BEAN1: variants seen among roughly 807,000 people sequenced by gnomAD.
BEAN1 encodes the protein brain expressed associated with NEDD4 1, also known as protein BEAN1.
Under a neutral mutation model 17.7 loss-of-function variants are expected in BEAN1, and 17 were observed. The observed-to-expected ratio is 0.96, with a 90% CI of 0.66 to 1.44. The LOEUF is 1.44. Ranked by LOEUF, BEAN1 falls within the 40% of genes most tolerant of loss-of-function variation. BEAN1 has a pLI of 0.00. For synonymous variants in BEAN1, 142 were observed against 151.8 expected, an observed-to-expected ratio of 0.94 and a Z score of 0.47; for missense variants, 359 against 374.1, an observed-to-expected ratio of 0.96 and a Z score of 0.33.
intron 2 of BEAN1, among the ~76,000 whole-genome samples, chr16:66,453,742 T>G (rs1229051928): frequency 4.6e-5 from 7 of 151,892 alleles, no homozygotes; most frequent in Admixed American, 2.0e-4. Flanking sequence ...TTTTTTTTTT[T>G]TGGGTCAGGG....
chr16:66,489,185 A>C (rs1964130980), intron 4 of BEAN1, among the ~76,000 whole-genome samples: 1 of 152,098 alleles, frequency 6.6e-6, no homozygotes, highest in African/African-American at 2.4e-5. Flanking sequence ...AAAAAAACAA[A>C]AAAAAAAGTA....
intron 2 of BEAN1, among the ~76,000 whole-genome samples, chr16:66,463,399 T>A (rs1299686494): frequency 6.6e-6 from 1 of 152,242 alleles, no homozygotes; most frequent in Non-Finnish European, 1.5e-5. Context: ...TGGTTAATGA[T>A]GTTGGGCAAC....
chr16:66,480,988 A>G lies in BEAN1; in HGVS notation c.*63A>G. Reference sequence around the variant, plus strand: ...CTGAACCACATTCTTTAGGCACACAAAGGCGTGCACACACACACAGAGATG... The same window carrying G: ...CTGAACCACATTCTTTAGGCACACAGAGGCGTGCACACACACACAGAGATG... On this transcript the variant is annotated 3_prime_UTR_variant, in exon 5 of 5. Coordinates refer to ENST00000536005, the MANE Select transcript of BEAN1 (RefSeq NM_001178020.3). 1 of 1,305,010 alleles carries G rather than the reference A, an allele frequency of 7.7e-7. No homozygotes were observed. The highest frequency in any genetic ancestry group is 1.0e-6 in the Non-Finnish European group (1 of 979,008). 80.8% of individuals were successfully genotyped at this position (1,305,010 alleles called of 1,614,324 possible). A position where few individuals can be genotyped will look rare whatever the true frequency, so the allele number is the denominator to read the frequency against.
exon 5 of BEAN1, chr16:66,493,268 G>A (rs1425177430): frequency 5.7e-6 from 4 of 702,718 alleles, no homozygotes; most frequent in South Asian, 1.5e-5. Flanking sequence ...CCTCGAGGGG[G>A]TTCAGCCAGG....
At chr16:66,462,096 G>T (rs1031305659) in intron 2 of BEAN1, among the ~76,000 whole-genome samples, 1 of 152,180 alleles carries the variant, frequency 6.6e-6, no homozygotes, top group Non-Finnish European at 1.5e-5. Context: ...TCTGCCATTG[G>T]CATAGACTTA....
intron 2 of BEAN1, among the ~76,000 whole-genome samples, chr16:66,452,314 C>T (rs1962701285): frequency 6.6e-6 from 1 of 152,236 alleles, no homozygotes; most frequent in Non-Finnish European, 1.5e-5. Context: ...TAATACACTG[C>T]TACCCTGATG....
At chr16:66,494,859 T>C (rs1332620391), downstream of BEAN1, among the ~76,000 whole-genome samples, 1 of 152,132 alleles carries the variant, frequency 6.6e-6, no homozygotes, top group Non-Finnish European at 1.5e-5. Flanking sequence ...CACATGCACA[T>C]ACACATGCCC....
chr16:66,448,903 G>T (rs1472989616), intron 2 of BEAN1, among the ~76,000 whole-genome samples: 3 of 152,242 alleles, frequency 2.0e-5, no homozygotes. Context: ...CCAACACTTT[G>T]GGAGGCTAAG....
At chr16:66,449,490 C>T (rs1962586510) in intron 2 of BEAN1, among the ~76,000 whole-genome samples, 1 of 150,742 alleles carries the variant, frequency 6.6e-6, no homozygotes, top group Admixed American at 6.6e-5. Flanking sequence ...GCCTGTAATC[C>T]CAGCTACTCA....
intron 3 of BEAN1, among the ~76,000 whole-genome samples, chr16:66,470,613 G>A (rs1273081441): frequency 1.3e-5 from 2 of 152,198 alleles, no homozygotes; most frequent in African/African-American, 4.8e-5. Context: ...CCTGGTGAGA[G>A]TCAGCAGAGT....
intron 2 of BEAN1, among the ~76,000 whole-genome samples, chr16:66,458,711 C>T (rs953271787): frequency 1.3e-5 from 2 of 152,224 alleles, no homozygotes; most frequent in Non-Finnish European, 2.9e-5. Flanking sequence ...ATAACTTTAG[C>T]TCACCAAGAC....
intron 3 of BEAN1, among the ~76,000 whole-genome samples, chr16:66,472,978 C>A (rs1963541942): frequency 6.6e-6 from 1 of 152,106 alleles, no homozygotes; most frequent in African/African-American, 2.4e-5. Context: ...ATGATCTCAC[C>A]ACTGCATGCC....
chr16:66,473,914 C>T lies in BEAN1; in HGVS notation c.290-3646C>T, dbSNP rs1347489469. Among the ~76,000 whole-genome samples, 1 of 151,882 alleles carries T rather than the reference C, an allele frequency of 6.6e-6. No individual in the cohort carries two copies. Among genetic ancestry groups the T allele is most frequent in the Non-Finnish European group, 1.5e-5 (1 of 67,974 alleles). Reference sequence around the variant, plus strand: ...TTTATAAGTCAAGGTCCCTCAGATCCCACACCTTGGTCCTGGTCCTCTCTC... The same window carrying T: ...TTTATAAGTCAAGGTCCCTCAGATCTCACACCTTGGTCCTGGTCCTCTCTC... On this transcript the variant is annotated intron_variant, in intron 3 of 4. Coordinates refer to ENST00000536005, the MANE Select transcript of BEAN1 (RefSeq NM_001178020.3). This position sits in a 1 kb window ranked among gnomAD's most constrained non-coding sequence, Gnocchi z 4.5.
At chr16:66,459,743 G>T (rs1441788027) in intron 2 of BEAN1, among the ~76,000 whole-genome samples, 1 of 152,148 alleles carries the variant, frequency 6.6e-6, no homozygotes, top group Non-Finnish European at 1.5e-5. Context: ...TTCCTCAAAT[G>T]CATCAAGTCC....
chr16:66,427,839 G>A lies in BEAN1; in HGVS notation c.-83+408G>A, dbSNP rs1717375068. On this transcript the variant is annotated intron_variant, in intron 1 of 4. Coordinates refer to ENST00000536005, the MANE Select transcript of BEAN1 (RefSeq NM_001178020.3). This position sits in a 1 kb window ranked among gnomAD's most constrained non-coding sequence, Gnocchi z 4.7. ...GGGGACCCCTGAACAACCCAACCAAGAAGGGAAAACTAGGGCGCACTCTCG... is the reference window on the plus strand; with the variant it reads ...GGGGACCCCTGAACAACCCAACCAAAAAGGGAAAACTAGGGCGCACTCTCG... The A allele has an allele frequency of 1.3e-5, 2 of 152,334 alleles. No homozygotes were observed. Among genetic ancestry groups the A allele is most frequent in the South Asian group, 4.1e-4 (2 of 4,828 alleles). The allele number at this position is 152,334 out of a possible 1,614,324, so 9.4% of individuals were successfully genotyped here. A position where few individuals can be genotyped will look rare whatever the true frequency, so the allele number is the denominator to read the frequency against.
At chr16:66,469,358 T>C (rs1193930119) in intron 2 of BEAN1, among the ~76,000 whole-genome samples, 2 of 152,194 alleles carry the variant, frequency 1.3e-5, no homozygotes, top group African/African-American at 4.8e-5. Flanking sequence ...GTTCAGCTTG[T>C]GGGCAGAGGC....
At chr16:66,474,943 G>A (rs1318329742) in intron 3 of BEAN1, among the ~76,000 whole-genome samples, 1 of 152,144 alleles carries the variant, frequency 6.6e-6, no homozygotes, top group Non-Finnish European at 1.5e-5. Flanking sequence ...CTCCCACAGT[G>A]GGGTGTGAGG....
intron 2 of BEAN1, among the ~76,000 whole-genome samples, chr16:66,467,236 G>A (rs997302135): frequency 1.1e-4 from 16 of 152,202 alleles, no homozygotes; most frequent in African/African-American, 3.9e-4. Context: ...CTAATCAGAA[G>A]TCAACAGGGC....
chr16:66,430,673 A>G (rs1230971413), intron 1 of BEAN1, among the ~76,000 whole-genome samples: 1 of 152,234 alleles, frequency 6.6e-6, no homozygotes, highest in African/African-American at 2.4e-5. Context: ...TTAAAAGAGC[A>G]GTTCCCTGTT....
Sources: gnomAD v4.1 joint callset for allele counts (sites outside exome capture counted in the v4.1 genomes callset) on GRCh38, gnomAD v4.1.1 for gene constraint, Gnocchi (gnomAD v3.1) non-coding constraint, MANE v1.5 for transcripts, NCBI Gene and HGNC (gene_info 2026-07-23, HGNC 2026-07-21) for gene names.